Variants in WNK1 observed in about 807,000 individuals in gnomAD.
WNK1 encodes WNK lysine deficient protein kinase 1.
WNK1 carries 38 observed loss-of-function variants against 222.8 expected under a neutral mutation model. That is an observed-to-expected ratio of 0.17 (90% CI 0.13 to 0.22). The LOEUF (loss-of-function observed/expected upper bound fraction) is 0.22. Among genes scored for constraint, WNK1 ranks in the 10% least tolerant of loss-of-function variants. The pLI is 1.00. For synonymous variants in WNK1, 1,090 were observed against 1,092.9 expected (o/e 1.00, Z 0.05); for missense variants, 2,348 against 2,918.4 (o/e 0.80, Z 4.50).
At chr12:845,085 C>T (rs977123785) in intron 4 of WNK1, among the ~76,000 whole-genome samples, 3 of 150,980 alleles carry the variant, frequency 2.0e-5, no homozygotes, top group East Asian at 1.9e-4. Context: ...TTAGTAGAGA[C>T]GGGGTTTCAC....
intron 1 of WNK1, among the ~76,000 whole-genome samples, chr12:812,138 C>T (rs184473408): frequency 6.6e-6 from 1 of 152,204 alleles, no homozygotes; most frequent in Admixed American, 6.5e-5. Context: ...TTTTACAAAC[C>T]ATTTTTAAAA....
At chr12:897,238 GT>G (rs1954833049) in intron 24 of WNK1, among the ~76,000 whole-genome samples, 1 of 152,116 alleles carries the variant, frequency 6.6e-6, no homozygotes, top group East Asian at 1.9e-4. Context: ...GTCAGGAAAT[GT>G]TTTTCTCCTA....
intron 1 of WNK1, among the ~76,000 whole-genome samples, chr12:779,271 TCGAATTC>T: frequency 6.6e-6 from 1 of 152,184 alleles, no homozygotes; most frequent in East Asian, 1.9e-4. Flanking sequence ...CCTTCAGATT[TCGAATTC>T]CCTGTTGGGA....
chr12:865,145 C>CT, intron 8 of WNK1: 1 of 1,532,268 alleles, frequency 6.5e-7, no homozygotes, highest in Non-Finnish European at 8.7e-7. Context: ...TTTGTGTTCC[C>CT]ATCTTTCTGC....
intron 1 of WNK1, among the ~76,000 whole-genome samples, chr12:808,833 G>A (rs1412093632): frequency 6.8e-6 from 1 of 146,658 alleles, no homozygotes; most frequent in East Asian, 2.0e-4. Context: ...GCGAGATCTC[G>A]ACTCACTGCA....
intron 19 of WNK1, among the ~76,000 whole-genome samples, chr12:886,711 T>C (rs1565587166): frequency 2.6e-5 from 4 of 152,214 alleles, no homozygotes; most frequent in South Asian, 4.1e-4. Flanking sequence ...TTGCCATTGA[T>C]GTGAGGTTCT....
intron 4 of WNK1, among the ~76,000 whole-genome samples, chr12:837,386 C>T (rs773177475): frequency 8.6e-5 from 13 of 151,866 alleles, no homozygotes; most frequent in Admixed American, 3.9e-4. Flanking sequence ...CCAGCCTGGC[C>T]GACATGGTGA....
intron 26 of WNK1, chr12:901,699 T>C: frequency 9.2e-7 from 1 of 1,089,696 alleles, no homozygotes; most frequent in Non-Finnish European, 1.2e-6. Flanking sequence ...TTTCTGCTGC[T>C]TGGATCTGAT....
chr12:905,402 G>A (rs1432564155), intron 26 of WNK1, among the ~76,000 whole-genome samples: 1 of 152,072 alleles, frequency 6.6e-6, no homozygotes, highest in Non-Finnish European at 1.5e-5. Context: ...GTAATGTAGG[G>A]TAAAATGAAA....
chr12:885,542 C>T lies in WNK1; in HGVS notation c.4738C>T (p.Pro1580Ser), dbSNP rs553441248. 4 of 1,614,110 alleles carry T rather than the reference C, an allele frequency of 2.5e-6. No individual in the cohort carries two copies. Among genetic ancestry groups the T allele is most frequent in the East Asian group, 4.5e-5 (2 of 44,872 alleles). ...LVIPSVIAST[P>S]ILPQAAGPTS... ...CATTCCATCAGTGATAGCTTCTACT[C>T]CTATTCTTCCCCAAGCAGCAGGACC... Residue 1580 changes from proline to serine, a missense_variant, in exon 19 of 28, where the codon CCT (proline) becomes TCT (serine). Physicochemically the swap from Pro to Ser is moderately conservative, Grantham distance 74. Transcript: ENST00000315939.
At chr12:878,047 G>C (rs577339939) in intron 9 of WNK1, 165 bp from the exon 10 acceptor site, 2 of 866,578 alleles carry the variant, frequency 2.3e-6, no homozygotes, top group Non-Finnish European at 3.6e-6. Context: ...ACATCAGAGG[G>C]AAAACAAATA....
In WNK1 at chr12:814,302, C is replaced by G. The variant is rs1171284900; in HGVS notation, c.932+488C>G. Among the ~76,000 whole-genome samples the G allele has an allele frequency of 2.0e-5, 3 of 149,122 alleles. No individual in the cohort carries two copies. The East Asian group carries it at 5.9e-4, about 29-fold the overall frequency. On this transcript the variant is annotated intron_variant, in intron 2 of 27. Coordinates refer to ENST00000315939, the MANE Select transcript of WNK1 (RefSeq NM_018979.4). ...TGAGATCACCTCACTTCATTCCAGC[C>G]TAGGTGAGACTCTGTCTCCAAAAAA...
In WNK1 at chr12:884,017, G is replaced by C; in HGVS notation, c.3722-104G>C. ...CACTCCAGCCTGGGTGAGAGAATGA[G>C]ACCGTGCCTCAAAAAAAGCAGTTGT... On this transcript the variant is annotated intron_variant, in intron 17 of 27. Transcript: ENST00000315939. This position sits in a 1 kb window ranked among gnomAD's most constrained non-coding sequence, Gnocchi z 5.6. 1 of 1,557,924 alleles carries C rather than the reference G, an allele frequency of 6.4e-7. No individual in the cohort carries two copies. Among genetic ancestry groups the C allele is most frequent in the Non-Finnish European group, 8.8e-7 (1 of 1,137,542 alleles).
chr12:771,343 GTTAA>G (rs950748029), intron 1 of WNK1, among the ~76,000 whole-genome samples: 7 of 151,964 alleles, frequency 4.6e-5, no homozygotes, highest in African/African-American at 1.7e-4. Flanking sequence ...CCTTAAGCTT[GTTAA>G]TTAATTTAGT....
intron 4 of WNK1, among the ~76,000 whole-genome samples, chr12:841,161 T>G (rs575756334): frequency 6.6e-4 from 100 of 152,310 alleles, no homozygotes; most frequent in African/African-American, 2.3e-3. Flanking sequence ...TTCACTGGTT[T>G]TTAGTATATC....
intron 8 of WNK1, 32 bp downstream of exon 8, chr12:862,302 C>T: frequency 6.3e-7 from 1 of 1,599,400 alleles, no homozygotes; most frequent in Non-Finnish European, 8.6e-7. Flanking sequence ...TGTAATACTA[C>T]AATGAGAGCC....
intron 1 of WNK1, among the ~76,000 whole-genome samples, chr12:764,634 CAAAAAAA>C (rs529312629): frequency 0.077 from 3,864 of 50,174 alleles, 356 homozygotes; most frequent in Middle Eastern, 0.16. Context: ...AACTCCGTCT[CAAAAAAA>C]AAAAAAAAAA....
chr12:843,360 T>C (rs1396634094), intron 4 of WNK1, among the ~76,000 whole-genome samples: 1 of 152,228 alleles, frequency 6.6e-6, no homozygotes, highest in Non-Finnish European at 1.5e-5. Flanking sequence ...TAAATTAAAA[T>C]AGAATTTGCA....
chr12:789,534 CTTTTTTTTTT>C (rs34511181), intron 1 of WNK1, among the ~76,000 whole-genome samples: 1 of 117,742 alleles, frequency 8.5e-6, no homozygotes, highest in African/African-American at 3.1e-5. Flanking sequence ...GGTTATACTC[CTTTTTTTTTT>C]TTTTTTTTTT....
Sources: gnomAD v4.1 joint callset for allele counts (sites outside exome capture counted in the v4.1 genomes callset) on GRCh38, gnomAD v4.1.1 for gene constraint, Gnocchi (gnomAD v3.1) non-coding constraint, MANE v1.5 for transcripts, NCBI Gene and HGNC (gene_info 2026-07-23, HGNC 2026-07-21) for gene names.